The following EDIL3 variants were observed in gnomAD, a reference collection of about 807,000 sequenced individuals.
The protein encoded by EDIL3 is EGF-like repeat and discoidin I-like domain-containing protein 3.
EDIL3 carries 37 observed loss-of-function variants against 67.4 expected under a neutral mutation model. The ratio of observed to expected loss-of-function variants is 0.55; its 90% CI spans 0.42 to 0.72. The LOEUF is 0.72. EDIL3 is among the 30% of genes least tolerant of loss of function. The probability of loss-of-function intolerance (pLI) is 0.00; values close to 1 mark genes in which losing one functional copy is unlikely to be tolerated. For missense variants in EDIL3, 527 were observed against 586.3 expected (o/e 0.90, Z 1.04); for synonymous variants, 195 against 196.3 (o/e 0.99, Z 0.05).
chr5:84,217,823 T>C (rs1407622752), intron 3 of EDIL3, among the ~76,000 whole-genome samples: 1 of 152,020 alleles, frequency 6.6e-6, no homozygotes, highest in Non-Finnish European at 1.5e-5. Flanking sequence ...ACTCTCCTTT[T>C]CTTTTTAAAT....
At chr5:84,077,115 T>C (rs867793585) in intron 6 of EDIL3, among the ~76,000 whole-genome samples, 2 of 152,228 alleles carry the variant, frequency 1.3e-5, no homozygotes, top group Non-Finnish European at 1.5e-5. Flanking sequence ...GTGTGTAAAA[T>C]AGAGATAAAT....
intron 9 of EDIL3, among the ~76,000 whole-genome samples, chr5:83,987,228 A>C (rs1745071498): frequency 6.6e-6 from 1 of 152,110 alleles, no homozygotes; most frequent in African/African-American, 2.4e-5. Flanking sequence ...ATTGCTGTGC[A>C]GGCTACTCCA....
chr5:84,103,913 C>A (rs1253053099), intron 6 of EDIL3, among the ~76,000 whole-genome samples: 2 of 152,050 alleles, frequency 1.3e-5, no homozygotes, highest in Non-Finnish European at 2.9e-5. Context: ...AAGGCACATG[C>A]ACGCCTATGT....
At chr5:84,167,954 G>A (rs1748739262) in intron 4 of EDIL3, among the ~76,000 whole-genome samples, 1 of 152,080 alleles carries the variant, frequency 6.6e-6, no homozygotes, top group African/African-American at 2.4e-5. Flanking sequence ...AGATCAAGGA[G>A]AGAATAATTC....
chr5:84,308,508 G>T (rs551492697), intron 1 of EDIL3, among the ~76,000 whole-genome samples: 1 of 152,070 alleles, frequency 6.6e-6, no homozygotes, highest in Non-Finnish European at 1.5e-5. Context: ...ATTGTAATTG[G>T]CTTTTATATG....
chr5:84,207,579 G>A (rs982812873), intron 3 of EDIL3, among the ~76,000 whole-genome samples: 37 of 151,302 alleles, frequency 2.4e-4, no homozygotes, highest in South Asian at 1.9e-3. Context: ...AAAAGAGCCC[G>A]CATCGCCAAG....
intron 1 of EDIL3, among the ~76,000 whole-genome samples, chr5:84,259,095 G>A (rs1745175316): frequency 6.6e-6 from 1 of 151,016 alleles, no homozygotes; most frequent in South Asian, 2.1e-4. Context: ...GAGTGGCTGG[G>A]ACTACAGTCG....
chr5:84,341,405 A>T (rs1172870021), intron 1 of EDIL3, among the ~76,000 whole-genome samples: 1 of 152,108 alleles, frequency 6.6e-6, no homozygotes, highest in Non-Finnish European at 1.5e-5. Context: ...ACTATGCCTG[A>T]CTATAAGTGA....
At chr5:84,199,612 C>G (rs1485705879) in intron 3 of EDIL3, among the ~76,000 whole-genome samples, 2 of 152,018 alleles carry the variant, frequency 1.3e-5, no homozygotes, top group Non-Finnish European at 2.9e-5. Context: ...AGGGGTTTAA[C>G]TTTGTTTCTT....
At chr5:84,152,143 C>T (rs1748406309) in intron 4 of EDIL3, among the ~76,000 whole-genome samples, 2 of 151,920 alleles carry the variant, frequency 1.3e-5, no homozygotes, top group African/African-American at 2.4e-5. Flanking sequence ...TGGTCTTAAA[C>T]TCTTGACCTC....
intron 1 of EDIL3, among the ~76,000 whole-genome samples, chr5:84,326,330 T>C (rs1746755690): frequency 6.6e-6 from 1 of 151,840 alleles, no homozygotes; most frequent in South Asian, 2.1e-4. Flanking sequence ...TACTTAAGAG[T>C]AGTCAAAAAT....
Position 84,038,472 on chromosome 5 carries a change from A to G in EDIL3, c.1137+21828T>C, listed in dbSNP as rs1042766549. On this transcript the variant is annotated intron_variant, in intron 9 of 10. Transcript: ENST00000296591. Reference sequence around the variant, plus strand: ...GATGTACTTCTTAAATCCTTTTTACATGGAACTTCTGGACTCTTCACTGAA... The same window carrying G: ...GATGTACTTCTTAAATCCTTTTTACGTGGAACTTCTGGACTCTTCACTGAA... 5.9e-5 allele frequency among the ~76,000 whole-genome samples: 9 copies of G among 152,144 alleles called. No homozygotes were observed. The East Asian group carries it at 9.7e-4, about 16-fold the overall frequency.
intron 10 of EDIL3, among the ~76,000 whole-genome samples, chr5:83,958,388 C>T (rs555331108): frequency 1.3e-5 from 2 of 151,614 alleles, no homozygotes; most frequent in East Asian, 2.0e-4. Context: ...CAAGATATTG[C>T]AGTTTATTTC....
intron 1 of EDIL3, among the ~76,000 whole-genome samples, chr5:84,302,208 T>G (rs2112131563): frequency 6.6e-6 from 1 of 152,230 alleles, no homozygotes; most frequent in Admixed American, 6.5e-5. Context: ...ATGTTAATGT[T>G]TTATTGCTTT....
chr5:84,344,113 A>G (rs936895897), intron 1 of EDIL3, among the ~76,000 whole-genome samples: 7 of 152,122 alleles, frequency 4.6e-5, no homozygotes, highest in Non-Finnish European at 1.5e-5. Flanking sequence ...GTGGAAGAGG[A>G]CCTAGTGCTT....
rs397881707 is a variant in EDIL3, at chr5:84,154,693, C to CTTTTTT, written c.356-17345_356-17340dup. 8.7e-5 allele frequency among the ~76,000 whole-genome samples: 8 copies of CTTTTTT among 92,308 alleles called. 1 individual carries two copies. The highest frequency in any genetic ancestry group is 2.1e-4 in the African/African-American group (5 of 24,058). The allele number at this position is 92,308 out of a possible 152,430, so 60.6% of individuals were successfully genotyped here. ...CTCCTGGAGCCCTCTTCTGCTTCTG[C>CTTTTTT]TTTTTTTTTTTTTTTTTTTTTTTAA... is the stretch of plus-strand genomic sequence containing the variant. On this transcript the variant is annotated intron_variant, in intron 4 of 10. Coordinates refer to ENST00000296591, the MANE Select transcript of EDIL3 (RefSeq NM_005711.5).
intron 1 of EDIL3, among the ~76,000 whole-genome samples, chr5:84,369,846 G>T (rs1214337904): frequency 6.6e-6 from 1 of 152,050 alleles, no homozygotes; most frequent in Non-Finnish European, 1.5e-5. Context: ...TATACTTAAA[G>T]ATACTTATTT....
At chr5:84,208,076 A>G (rs1052773634) in intron 3 of EDIL3, among the ~76,000 whole-genome samples, 1 of 151,738 alleles carries the variant, frequency 6.6e-6, no homozygotes, top group Non-Finnish European at 1.5e-5. Flanking sequence ...GAGCTTCTGC[A>G]CAGCAAAAGA....
At chr5:84,274,369 T>C (rs1745533006) in intron 1 of EDIL3, among the ~76,000 whole-genome samples, 1 of 152,190 alleles carries the variant, frequency 6.6e-6, no homozygotes, top group Non-Finnish European at 1.5e-5. Context: ...CCAAAAGTGC[T>C]GGGATCACAG....
Sources: allele counts gnomAD v4.1 joint callset (sites outside exome capture counted in the v4.1 genomes callset), GRCh38; gene constraint gnomAD v4.1.1; transcripts MANE v1.5; gene names NCBI Gene and HGNC (gene_info 2026-07-23, HGNC 2026-07-21).